Variants in PTBP1 observed in about 807,000 individuals in gnomAD.
PTBP1 encodes polypyrimidine tract-binding protein 1.
Under a neutral mutation model 59.8 loss-of-function variants are expected in PTBP1, and 8 were observed. That is an observed-to-expected ratio of 0.13 (90% CI 0.08 to 0.24). PTBP1 has a LOEUF of 0.24. PTBP1 is among the 10% of genes least tolerant of loss of function. PTBP1 has a pLI of 1.00. For missense variants in PTBP1, 686 were observed against 767.0 expected (o/e 0.89, Z 1.25); for synonymous variants, 490 against 320.7 (o/e 1.53, Z -5.64).
chr19:808,699 C>G lies in PTBP1; in HGVS notation c.1400C>G (p.Pro467Arg). Reference sequence around the variant, plus strand: ...TCACCCCTGCACCGCTTCAAGAAGCCGGGCTCCAAGAACTTCCAGAACATA... The same window carrying G: ...TCACCCCTGCACCGCTTCAAGAAGCGGGGCTCCAAGAACTTCCAGAACATA... ...GNSPLHRFKK[P>R]GSKNFQNIFP... Residue 467 changes from proline to arginine, a missense_variant, in exon 13 of 15, where the codon CCG becomes CGG. Transcript: ENST00000356948. This position sits in a 1 kb window ranked among gnomAD's most constrained non-coding sequence, Gnocchi z 4.7. 1 of 1,613,200 alleles carries G rather than the reference C, an allele frequency of 6.2e-7. No homozygotes were observed. The highest frequency in any genetic ancestry group is 8.5e-7 in the Non-Finnish European group (1 of 1,179,958).
intron 9 of PTBP1, chr19:806,098 C>A (rs1282925649): frequency 3.1e-6 from 1 of 321,464 alleles, no homozygotes; most frequent in Non-Finnish European, 5.7e-6. Context: ...CGGGACGGGC[C>A]CTGCTTGCCG....
Position 803,644 on chromosome 19 carries a change from C to G in PTBP1, c.115+8C>G, listed in dbSNP as rs767229599. 6.2e-7 allele frequency: 1 copy of G among 1,613,314 alleles called. No individual in the cohort carries two copies. Among genetic ancestry groups the G allele is most frequent in the Non-Finnish European group, 8.5e-7 (1 of 1,179,290 alleles). The stretch of plus-strand genomic sequence containing the variant: ...GCAACTCGGCTTCTGCAGGTAAGGC[C>G]GGGACTCGGCCCAGGGCAAGACCCG... On this transcript the variant is annotated splice_region_variant and intron_variant, in intron 3 of 14. Coordinates refer to ENST00000356948, the MANE Select transcript of PTBP1 (RefSeq NM_002819.5).
At chr19:803,903 G>C (rs954520693) in intron 3 of PTBP1, 133 bp from the exon 4 acceptor site, 6 of 1,094,852 alleles carry the variant, frequency 5.5e-6, no homozygotes, top group East Asian at 4.8e-5. Flanking sequence ...CTCTCGCGCT[G>C]CTGGTTCACA....
At chr19:805,814 G>T in intron 9 of PTBP1, 1 of 542,138 alleles carries the variant, frequency 1.8e-6, no homozygotes, top group Non-Finnish European at 3.3e-6. Context: ...CAGTCTTTGT[G>T]GTCTGGTTCC....
chr19:806,261 C>T, intron 9 of PTBP1, 147 bp from the exon 10 acceptor site: 14 of 925,700 alleles, frequency 1.5e-5, no homozygotes, highest in South Asian at 4.1e-5. Flanking sequence ...GTCGGACGAC[C>T]CCACAGGCAC....
chr19:810,794 C>T lies in PTBP1; in HGVS notation c.1642C>T (p.Leu548=), dbSNP rs777786718. 2 of 1,594,020 alleles carry T rather than the reference C, an allele frequency of 1.3e-6. No homozygotes were observed. Among genetic ancestry groups the T allele is most frequent in the East Asian group, 2.3e-5 (1 of 43,660 alleles). ...HNHDLGENHH[L]RVSFSKSTI Reference sequence around the variant, plus strand: ...CCACGACCTCGGGGAGAACCACCACCTGCGGGTCTCCTTCTCCAAGTCCAC... The same window carrying T: ...CCACGACCTCGGGGAGAACCACCACTTGCGGGTCTCCTTCTCCAAGTCCAC... Residue 548 remains leucine, a synonymous_variant, in exon 15 of 15, where the codon CTG becomes TTG. Transcript: ENST00000356948.
chr19:799,185 A>T (rs966521703), intron 1 of PTBP1, among the ~76,000 whole-genome samples: 15 of 152,056 alleles, frequency 9.9e-5, no homozygotes, highest in African/African-American at 3.6e-4. Flanking sequence ...GCTGGGAGGG[A>T]GGGGCGCCAA....
intron 10 of PTBP1, 89 bp downstream of exon 10, chr19:806,645 G>GC: frequency 7.7e-7 from 1 of 1,296,020 alleles, no homozygotes; most frequent in Non-Finnish European, 1.0e-6. Flanking sequence ...GAGCAGCGCC[G>GC]CCCCTCGCTG....
rs762885310 is a variant in PTBP1 at position 804,588 on chromosome 19, G to C, written c.492G>C (p.Leu164Phe). The change falls in exon 6 of 15, where the codon TTG becomes TTC. Residue 164 changes from leucine (L) to phenylalanine (F), a missense_variant. Transcript: ENST00000356948. ...CGGTCCAGTCGGGGAACCTGGCCTT[G>C]GCTGCCTCGGCGGCGGCCGTGGACG... ...VNSVQSGNLALAASAAAVDAG... is the reference protein window; with the variant it reads ...VNSVQSGNLAFAASAAAVDAG... The C allele has an allele frequency of 6.2e-7, 1 of 1,611,318 alleles. No individual in the cohort carries two copies. The highest frequency in any genetic ancestry group is 8.5e-7 in the Non-Finnish European group (1 of 1,179,550).
chr19:810,299 C>G (rs942963239), intron 13 of PTBP1, among the ~76,000 whole-genome samples: 1 of 143,270 alleles, frequency 7.0e-6, no homozygotes, highest in African/African-American at 2.6e-5. Context: ...GAGCAAGATT[C>G]CATCTGGAAA....
intron 1 of PTBP1, 93 bp from the exon 2 acceptor site, chr19:799,320 G>GACCT (rs2034225047): frequency 8.6e-7 from 1 of 1,161,556 alleles, no homozygotes; most frequent in African/African-American, 1.5e-5. Context: ...CAGCTGCAGG[G>GACCT]ACCTACGGGC....
chr19:805,187 G>C lies in PTBP1; in HGVS notation c.892G>C (p.Gly298Arg). 2 of 1,613,082 alleles carry C rather than the reference G, an allele frequency of 1.2e-6. No individual in the cohort carries two copies. Among genetic ancestry groups the C allele is most frequent in the Non-Finnish European group, 1.7e-6 (2 of 1,179,642 alleles). The change falls in exon 8 of 15, where the codon GGT becomes CGT. Residue 298 changes from glycine to arginine, a missense_variant and splice_region_variant. Gly to Arg is a moderately radical substitution (Grantham distance 125). Coordinates refer to ENST00000356948, the MANE Select transcript of PTBP1 (RefSeq NM_002819.5). ...GGACCAGACCATGGCCGCGGCCTTC[G>C]GTAAGAGGCTGCCCGACGCGGCGCC... ...SLDQTMAAAF[G>R]APGIISASPY...
At chr19:802,985 C>G (rs2145038051) in intron 2 of PTBP1, among the ~76,000 whole-genome samples, 1 of 152,342 alleles carries the variant, frequency 6.6e-6, no homozygotes, top group East Asian at 1.9e-4. Context: ...AGTCCTCAGT[C>G]TCGCGTGTGC....
At chr19:807,333 C>A (rs114475429) in intron 10 of PTBP1, 1,736 of 154,938 alleles carry the variant, frequency 0.011, 35 homozygotes, top group African/African-American at 0.04. Flanking sequence ...GCGAGCGGAG[C>A]TGCACGCGCG....
rs2034859844 is a variant in PTBP1 at position 811,334 on chromosome 19, C to G, written c.*508C>G. 2.0e-5 allele frequency: 3 copies of G among 152,498 alleles called. No individual in the cohort carries two copies. Among genetic ancestry groups the G allele is most frequent in the African/African-American group, 7.2e-5 (3 of 41,472 alleles). The allele number at this position is 152,498 out of a possible 1,614,324, so 9.4% of individuals were successfully genotyped here. A position where few individuals can be genotyped will look rare whatever the true frequency, so the allele number is the denominator to read the frequency against. ...CCCAACCCCAGCCCTCTAATCAAGT[C>G]ACGTGATTCTCCCTTCACCCCGCCC... On this transcript the variant is annotated 3_prime_UTR_variant, in exon 15 of 15. Transcript: ENST00000356948.
chr19:800,104 T>A (rs1337955515), intron 2 of PTBP1, among the ~76,000 whole-genome samples: 1 of 107,108 alleles, frequency 9.3e-6, no homozygotes, highest in Non-Finnish European at 2.0e-5. Flanking sequence ...TTTTTGTATT[T>A]TTTTTTTTTT....
intron 1 of PTBP1, among the ~76,000 whole-genome samples, chr19:798,913 C>T (rs568430663): frequency 6.6e-6 from 1 of 152,374 alleles, no homozygotes; most frequent in South Asian, 2.1e-4. Flanking sequence ...TCCACGGCCG[C>T]CTCCTGCTCT....
Position 799,208 on chromosome 19 carries a change from G to T in PTBP1, c.9-205G>T, listed in dbSNP as rs990857358. On this transcript the variant is annotated intron_variant, in intron 1 of 14. Transcript: ENST00000356948. The stretch of plus-strand genomic sequence containing the variant: ...GGAGGGGCGCCAAAGGACAATGGTG[G>T]CCCCTTTTCAAGTTGCAGTCAAGTG... 1.5e-5 allele frequency: 10 copies of T among 659,854 alleles called. No individual in the cohort carries two copies. In the African/African-American group the frequency reaches 1.8e-4, roughly 12 times the overall value. 40.9% of individuals were successfully genotyped at this position (659,854 alleles called of 1,614,324 possible).
Position 808,860 on chromosome 19 carries a change from AGT to A in PTBP1, c.1463+100_1463+101del. The A allele has an allele frequency of 8.2e-7, 1 of 1,215,898 alleles. No homozygotes were observed. Among genetic ancestry groups the A allele is most frequent in the Admixed American group, 2.1e-5 (1 of 48,684 alleles). The allele number at this position is 1,215,898 out of a possible 1,614,324, so 75.3% of individuals were successfully genotyped here. ...GTGTGTGGACTTCTGGCGTTTCCAG[AGT>A]GCAGGTCGGGCACCTCTTACCCCAA... On this transcript the variant is annotated intron_variant, in intron 13 of 14. Transcript: ENST00000356948. This position sits in a 1 kb window ranked among gnomAD's most constrained non-coding sequence, Gnocchi z 4.7.
Sources: gnomAD v4.1 joint callset for allele counts (sites outside exome capture counted in the v4.1 genomes callset) on GRCh38, gnomAD v4.1.1 for gene constraint, Gnocchi (gnomAD v3.1) non-coding constraint, MANE v1.5 for transcripts, NCBI Gene and HGNC (gene_info 2026-07-23, HGNC 2026-07-21) for gene names.